The following LHCGR variants were observed in gnomAD, a reference collection of about 807,000 sequenced individuals.
LHCGR encodes lutropin-choriogonadotropic hormone receptor.
Under a neutral mutation model 60.7 loss-of-function variants are expected in LHCGR, and 55 were observed. The observed-to-expected ratio is 0.91, with a 90% CI of 0.73 to 1.13. The LOEUF is 1.13. Ranked by LOEUF, LHCGR falls within the 50% of genes most tolerant of loss-of-function variation. LHCGR has a pLI of 0.00. For missense variants in LHCGR, 862 were observed against 836.0 expected, an observed-to-expected ratio of 1.03 and a Z score of -0.38; for synonymous variants, 337 against 316.5, an observed-to-expected ratio of 1.06 and a Z score of -0.69.
At chr2:48,693,274 A>T (rs1407596661) in intron 10 of LHCGR, among the ~76,000 whole-genome samples, 2 of 152,154 alleles carry the variant, frequency 1.3e-5, no homozygotes, top group African/African-American at 4.8e-5. Context: ...TTGCTTAGCA[A>T]CTTCCTTCAT....
At chr2:48,693,696 GAAAAGTGTT>G (rs1666973363) in intron 10 of LHCGR, among the ~76,000 whole-genome samples, 1 of 152,216 alleles carries the variant, frequency 6.6e-6, no homozygotes, top group African/African-American at 2.4e-5. Context: ...ATTTATAGCA[GAAAAGTGTT>G]AAAAGTTAGT....
chr2:48,718,327 A>AT (rs1046910275), intron 6 of LHCGR, among the ~76,000 whole-genome samples: 8 of 152,210 alleles, frequency 5.3e-5, no homozygotes, highest in African/African-American at 1.7e-4. Flanking sequence ...TGGGCTTTAG[A>AT]TATTAATCAC....
intron 2 of LHCGR, among the ~76,000 whole-genome samples, chr2:48,730,554 A>C (rs888723294): frequency 1.3e-5 from 2 of 152,196 alleles, no homozygotes; most frequent in African/African-American, 4.8e-5. Context: ...TTAAGATTGG[A>C]GATGCACTGT....
intron 1 of LHCGR, among the ~76,000 whole-genome samples, chr2:48,744,891 C>A (rs1241019798): frequency 2.0e-5 from 3 of 151,948 alleles, no homozygotes; most frequent in Non-Finnish European, 2.9e-5. Context: ...AAGAAACTAC[C>A]ATCAGAGGGA....
At chr2:48,725,815 G>A in intron 3 of LHCGR, 65 bp from the exon 4 acceptor site, 1 of 1,300,756 alleles carries the variant, frequency 7.7e-7, no homozygotes, top group Non-Finnish European at 1.1e-6. Context: ...AAATGTGTGA[G>A]ATCATGGTCA....
At chr2:48,749,289 C>T (rs1437241301) in intron 1 of LHCGR, among the ~76,000 whole-genome samples, 2 of 152,154 alleles carry the variant, frequency 1.3e-5, no homozygotes, top group Admixed American at 6.5e-5. Context: ...AGAAGCTGCC[C>T]ACCAAGTCAG....
At chr2:48,749,678 G>T (rs1669865463) in intron 1 of LHCGR, among the ~76,000 whole-genome samples, 2 of 140,340 alleles carry the variant, frequency 1.4e-5, no homozygotes, top group South Asian at 4.5e-4. Context: ...CAAAAGAGCA[G>T]AACTGGAGCC....
At chr2:48,710,024 C>T (rs1328696931) in intron 7 of LHCGR, among the ~76,000 whole-genome samples, 1 of 152,172 alleles carries the variant, frequency 6.6e-6, no homozygotes, top group Non-Finnish European at 1.5e-5. Context: ...ACATGATTCT[C>T]TTACCACATT....
At chr2:48,713,050 C>G (rs1434770750) in intron 7 of LHCGR, among the ~76,000 whole-genome samples, 1 of 152,176 alleles carries the variant, frequency 6.6e-6, no homozygotes, top group Non-Finnish European at 1.5e-5. Context: ...GCATCAGCAT[C>G]TCCTGAAGCT....
chr2:48,722,428 C>T (rs1328340607), intron 6 of LHCGR, among the ~76,000 whole-genome samples: 1 of 152,182 alleles, frequency 6.6e-6, no homozygotes, highest in Non-Finnish European at 1.5e-5. Context: ...CACAAAATTG[C>T]ATTACAAATT....
chr2:48,726,672 T>C lies in LHCGR; in HGVS notation c.309-922A>G, dbSNP rs116187581. On this transcript the variant is annotated intron_variant, in intron 3 of 10. Transcript: ENST00000294954. ...TGTTCTATAGAGAGAATGTAGTATATTGGTTAGGAGCATGGGCTCTGGAGT... is the reference window on the plus strand; with the variant it reads ...TGTTCTATAGAGAGAATGTAGTATACTGGTTAGGAGCATGGGCTCTGGAGT... 2.8e-3 allele frequency among the ~76,000 whole-genome samples: 420 copies of C among 152,332 alleles called. 3 individuals carry two copies. The highest frequency in any genetic ancestry group is 9.6e-3 in the African/African-American group (401 of 41,574).
At chr2:48,704,551 T>C (rs906288135) in intron 8 of LHCGR, among the ~76,000 whole-genome samples, 2 of 152,332 alleles carry the variant, frequency 1.3e-5, no homozygotes, top group Middle Eastern at 3.4e-3. Flanking sequence ...CTATTAACTA[T>C]TGCCTCAATT....
chr2:48,704,813 T>C (rs1424479954), intron 8 of LHCGR, among the ~76,000 whole-genome samples: 1 of 152,196 alleles, frequency 6.6e-6, no homozygotes, highest in Non-Finnish European at 1.5e-5. Context: ...GCAGTGTATC[T>C]ATTTTGTTAA....
In LHCGR at chr2:48,688,271, A is replaced by G. The variant is rs184344702; in HGVS notation, c.1526T>C (p.Met509Thr). The change falls in exon 11 of 11, where the codon ATG becomes ACG. Residue 509 changes from methionine to threonine, a missense_variant. Transcript: ENST00000294954. This position sits in a 1 kb window ranked among gnomAD's most constrained non-coding sequence, Gnocchi z 5.2. The part of the protein sequence containing the change: ...MLPLVGVSNY[M>T]KVSICFPMDV... ...CATGGGGAAGCAAATACTGACCTTCATGTAATTGCTGACACCGACAAGGGG... is the reference window on the plus strand; with the variant it reads ...CATGGGGAAGCAAATACTGACCTTCGTGTAATTGCTGACACCGACAAGGGG... 54 of 1,614,104 alleles carry G rather than the reference A, an allele frequency of 3.3e-5. No homozygotes were observed. The highest frequency in any genetic ancestry group is 1.2e-4 in the Admixed American group (7 of 60,028).
intron 8 of LHCGR, among the ~76,000 whole-genome samples, chr2:48,699,054 G>A (rs1667273130): frequency 6.6e-6 from 1 of 152,000 alleles, no homozygotes; most frequent in Admixed American, 6.6e-5. Context: ...TCGATCTTCT[G>A]ACCTCGTGAT....
chr2:48,752,409 C>T (rs991208593), intron 1 of LHCGR, among the ~76,000 whole-genome samples: 2 of 152,160 alleles, frequency 1.3e-5, no homozygotes, highest in African/African-American at 4.8e-5. Flanking sequence ...CAGTACTTGC[C>T]TCCTCCAACC....
intron 1 of LHCGR, among the ~76,000 whole-genome samples, chr2:48,752,981 C>CGGGGGGGGGGGGGGGGGGGGGGGGGGGGG (rs60837194): frequency 1.3e-4 from 1 of 7,634 alleles, no homozygotes; most frequent in African/African-American, 8.2e-4. Flanking sequence ...CGGATTTTGG[C>CGGGGGGGGGGGGGGGGGGGGGGGGGGGGG]GGGGGGGGGG....
intron 1 of LHCGR, among the ~76,000 whole-genome samples, chr2:48,737,783 ATTG>A (rs1669266085): frequency 6.6e-6 from 1 of 152,188 alleles, no homozygotes; most frequent in South Asian, 2.1e-4. Flanking sequence ...GGTTTTGATT[ATTG>A]TTGATTGCTC....
rs375384164 is a variant in LHCGR at position 48,723,563 on chromosome 2, T to C, written c.459-30A>G. On this transcript the variant is annotated intron_variant, in intron 5 of 10. Transcript: ENST00000294954. ...AGGAAAGAAATGAGAAATATTTACT[T>C]TCTAAATTTTAGCTGCAAATAGGAA... The C allele has an allele frequency of 8.7e-6, 14 of 1,606,108 alleles. No homozygotes were observed. The African/African-American group carries it at 1.6e-4, about 18-fold the overall frequency.
Sources: gnomAD v4.1 joint callset for allele counts (sites outside exome capture counted in the v4.1 genomes callset) on GRCh38, gnomAD v4.1.1 for gene constraint, Gnocchi (gnomAD v3.1) non-coding constraint, MANE v1.5 for transcripts, NCBI Gene and HGNC (gene_info 2026-07-23, HGNC 2026-07-21) for gene names.